The following NUDT22 variants were observed in gnomAD, a reference collection of about 807,000 sequenced individuals.
The protein encoded by NUDT22 is nudix hydrolase 22, also known as uridine diphosphate glucose pyrophosphatase NUDT22.
In NUDT22, 23 loss-of-function variants were observed where a neutral mutation model predicts 28.8. That is an observed-to-expected ratio of 0.80 (90% confidence interval 0.58 to 1.13). NUDT22 has a LOEUF of 1.13. Ranked by LOEUF, NUDT22 falls within the 50% of genes most tolerant of loss-of-function variation. The probability of loss-of-function intolerance (pLI) is 0.00; values close to 1 mark genes in which losing one functional copy is unlikely to be tolerated. For missense variants in NUDT22, 358 were observed against 387.3 expected, an observed-to-expected ratio of 0.92 and a Z score of 0.64; for synonymous variants, 175 against 173.7, an observed-to-expected ratio of 1.01 and a Z score of -0.06.
rs371004646 is a variant in NUDT22 at position 64,227,648 on chromosome 11, T to G, written c.561T>G (p.Leu187=). The change falls in exon 3 of 6, where the codon CTT becomes CTG. Residue 187 remains leucine, a synonymous_variant. Coordinates refer to ENST00000279206, the MANE Select transcript of NUDT22 (RefSeq NM_032344.4). ...TACATGAACTCTTTTCCAGTGTCCT[T>G]CAGGAGATCTGTGATGAGGTGAGTG... ...LVVHELFSSV[L]QEICDEVNLP... 1.2e-6 allele frequency: 2 copies of G among 1,613,874 alleles called. No homozygotes were observed. The highest frequency in any genetic ancestry group is 1.3e-5 in the African/African-American group (1 of 74,904).
chr11:64,227,231 A>C, intron 2 of NUDT22, 99 bp downstream of exon 2: 1 of 1,417,194 alleles, frequency 7.1e-7, no homozygotes. Flanking sequence ...CATTCCTTAA[A>C]GGGAAAATTG....
rs1947074582 is a variant in NUDT22 at position 64,227,590 on chromosome 11, C to A, written c.503C>A (p.Pro168His). Residue 168 changes from proline (P) to histidine (H), a missense_variant, in exon 3 of 6, where the codon CCC becomes CAC. Pro to His is a moderately conservative substitution (Grantham distance 77). Coordinates refer to ENST00000279206, the MANE Select transcript of NUDT22 (RefSeq NM_032344.4). ...EPQALCPGGS[P>H]QHQDLAGQLV... ...CAGGCCCTGTGCCCTGGTGGCAGCC[C>A]CCAGCACCAGGACCTCGCTGGGCAG... is the stretch of plus-strand genomic sequence containing the variant. 1.9e-6 allele frequency: 3 copies of A among 1,613,912 alleles called. No homozygotes were observed. Among genetic ancestry groups the A allele is most frequent in the Non-Finnish European group, 2.5e-6 (3 of 1,179,960 alleles).
intron 3 of NUDT22, 25 bp downstream of exon 3, chr11:64,227,691 G>A (rs1947078438): frequency 1.3e-6 from 2 of 1,588,238 alleles, no homozygotes; most frequent in Non-Finnish European, 8.6e-7. Context: ...CCTGGACAGG[G>A]TGGTAGACAT....
chr11:64,227,467 G>A, intron 2 of NUDT22, 101 bp from the exon 3 acceptor site: 1 of 880,572 alleles, frequency 1.1e-6, no homozygotes. Context: ...CTTACACTGT[G>A]CCACATCAGA....
chr11:64,227,679 G>T lies in NUDT22; in HGVS notation c.579+13G>T. On this transcript the variant is annotated intron_variant, in intron 3 of 5. Coordinates refer to ENST00000279206, the MANE Select transcript of NUDT22 (RefSeq NM_032344.4). ...GATCTGTGATGAGGTGAGTGAGGTT[G>T]ACCTGGACAGGGTGGTAGACATGAA... The T allele has an allele frequency of 1.2e-6, 2 of 1,603,050 alleles. No homozygotes were observed. Among genetic ancestry groups the T allele is most frequent in the South Asian group, 2.2e-5 (2 of 90,792 alleles).
intron 5 of NUDT22, 75 bp downstream of exon 5, chr11:64,229,646 G>A (rs1947138828): frequency 4.2e-6 from 6 of 1,439,828 alleles, no homozygotes; most frequent in East Asian, 2.3e-5. Context: ...ATATCTTGTA[G>A]GGGAGGTGTT....
chr11:64,228,718 CCCAGCACTTTGGGAGG>C (rs1350022722), intron 3 of NUDT22: 1 of 150,358 alleles, frequency 6.7e-6, no homozygotes, highest in Admixed American at 6.7e-5. Context: ...CACCTGTAAT[CCCAGCACTTTGGGAGG>C]CCAAGGCCAG....
chr11:64,229,150 G>A, intron 3 of NUDT22, 97 bp from the exon 4 acceptor site: 2 of 744,826 alleles, frequency 2.7e-6, no homozygotes, highest in South Asian at 1.8e-5. Context: ...ATAAAATGCT[G>A]TACACAGGTA....
In NUDT22 at chr11:64,229,433, G is replaced by A. The variant is rs746828275; in HGVS notation, c.678-45G>A. The A allele has an allele frequency of 1.1e-5, 17 of 1,607,142 alleles. No homozygotes were observed. In the Admixed American group the frequency reaches 1.8e-4, roughly 17 times the overall value. The stretch of plus-strand genomic sequence containing the variant: ...GCAGCTGTGGCTCCACAGGTACCCC[G>A]CAGGGGCTGGTCACCCACTAAGCCA... On this transcript the variant is annotated intron_variant, in intron 4 of 5. Transcript: ENST00000279206.
intron 2 of NUDT22, 191 bp downstream of exon 2, chr11:64,227,323 G>C: frequency 1.3e-6 from 1 of 766,466 alleles, no homozygotes; most frequent in African/African-American, 1.7e-5. Context: ...TGAGAAACTA[G>C]AAAACACGGG....
At chr11:64,227,747 G>A (rs1019179159) in intron 3 of NUDT22, 81 bp downstream of exon 3, 2 of 1,164,850 alleles carry the variant, frequency 1.7e-6, no homozygotes, top group Non-Finnish European at 2.6e-6. Flanking sequence ...GTCTGGGCTG[G>A]CAGGAGGCCT....
Position 64,227,068 on chromosome 11 carries a change from G to T in NUDT22, c.416G>T (p.Arg139Leu), listed in dbSNP as rs762591028. Residue 139 changes from arginine to leucine, a missense_variant, in exon 2 of 6, where the codon CGC becomes CTC. Transcript: ENST00000279206. Reference protein sequence around the residue: ...TADDFLVFLRRSRQVAEAPGL... With the variant: ...TADDFLVFLRLSRQVAEAPGL... ...GATGACTTCCTTGTCTTCCTGCGCCGCTCCCGGCAGGTGGCTGAGGCCCCT... is the reference window on the plus strand; with the variant it reads ...GATGACTTCCTTGTCTTCCTGCGCCTCTCCCGGCAGGTGGCTGAGGCCCCT... 3 of 1,600,870 alleles carry T rather than the reference G, an allele frequency of 1.9e-6. No homozygotes were observed. Among genetic ancestry groups the T allele is most frequent in the African/African-American group, 2.7e-5 (2 of 74,820 alleles).
rs191168695 is a variant in NUDT22, at chr11:64,228,299, T to C, written c.579+633T>C. 9.2e-5 allele frequency among the ~76,000 whole-genome samples: 14 copies of C among 151,700 alleles called. No homozygotes were observed. In the East Asian group the frequency reaches 2.7e-3, roughly 30 times the overall value. ...CTGGGTTCAAGTGATTCTCATGCCT[T>C]GCCCCGCCAAGGATTCTTCTTTTCA... On this transcript the variant is annotated intron_variant, in intron 3 of 5. Coordinates refer to ENST00000279206, the MANE Select transcript of NUDT22 (RefSeq NM_032344.4).
chr11:64,229,835 G>A lies in NUDT22; in HGVS notation c.772-15G>A, dbSNP rs775144368. On this transcript the variant is annotated splice_polypyrimidine_tract_variant and intron_variant, in intron 5 of 5. Coordinates refer to ENST00000279206, the MANE Select transcript of NUDT22 (RefSeq NM_032344.4). ...TGGCAAGCTTGAATGCCTGGGTCTC[G>A]TTGTCTCCCCACAGAACGTGCAGAG... 1 of 1,612,674 alleles carries A rather than the reference G, an allele frequency of 6.2e-7. No individual in the cohort carries two copies. Among genetic ancestry groups the A allele is most frequent in the African/African-American group, 1.3e-5 (1 of 74,910 alleles).
At position 64,227,657 on chromosome 11, in the gene NUDT22, C is replaced by T; in HGVS notation, c.570C>T (p.Ile190=). ...TCTTTTCCAGTGTCCTTCAGGAGAT[C>T]TGTGATGAGGTGAGTGAGGTTGACC... ...HELFSSVLQE[I]CDEVNLPLLT... is the part of the protein sequence containing the mutation. Residue 190 remains isoleucine, a synonymous_variant, in exon 3 of 6, where the codon ATC becomes ATT. Coordinates refer to ENST00000279206, the MANE Select transcript of NUDT22 (RefSeq NM_032344.4). 1 of 1,613,608 alleles carries T rather than the reference C, an allele frequency of 6.2e-7. No homozygotes were observed.
At chr11:64,229,192 T>A in intron 3 of NUDT22, 55 bp from the exon 4 acceptor site, 1 of 1,242,366 alleles carries the variant, frequency 8.0e-7, no homozygotes, top group Admixed American at 2.1e-5. Context: ...CGGGCAGGGA[T>A]GTGGGCAGTG....
chr11:64,226,695 G>A lies in NUDT22; in HGVS notation c.43G>A (p.Gly15Ser), dbSNP rs201863720. The A allele has an allele frequency of 1.9e-6, 3 of 1,609,156 alleles. No homozygotes were observed. The highest frequency in any genetic ancestry group is 2.2e-5 in the East Asian group (1 of 44,862). The part of the protein sequence containing the change: ...VTLLLQCPGG[G>S]LPQEQIQAEL... ...CTTGCTGCTGCAGTGCCCTGGCGGG[G>A]GCCTGCCCCAGGAGCAGATACAGGC... Residue 15 changes from glycine (G) to serine (S), a missense_variant, in exon 2 of 6, where the codon GGC becomes AGC. Coordinates refer to ENST00000279206, the MANE Select transcript of NUDT22 (RefSeq NM_032344.4).
At position 64,226,884 on chromosome 11, in the gene NUDT22, C is replaced by T; in HGVS notation, c.232C>T (p.Leu78=). 6.2e-7 allele frequency: 1 copy of T among 1,604,594 alleles called. No homozygotes were observed. Residue 78 remains leucine (L), a synonymous_variant, in exon 2 of 6, where the codon CTG becomes TTG. Coordinates refer to ENST00000279206, the MANE Select transcript of NUDT22 (RefSeq NM_032344.4). ...LAPIGSRGPQ[L]LLRLGLTSYR... Reference sequence around the variant, plus strand: ...GCCTATTGGCTCTCGGGGGCCACAGCTGCTCCTGCGCCTGGGCCTTACTTC... The same window carrying T: ...GCCTATTGGCTCTCGGGGGCCACAGTTGCTCCTGCGCCTGGGCCTTACTTC...
Position 64,227,669 on chromosome 11 carries a change from G to C in NUDT22, c.579+3G>C. ...TCCTTCAGGAGATCTGTGATGAGGT[G>C]AGTGAGGTTGACCTGGACAGGGTGG... On this transcript the variant is annotated splice_donor_region_variant and intron_variant, in intron 3 of 5. Coordinates refer to ENST00000279206, the MANE Select transcript of NUDT22 (RefSeq NM_032344.4). The C allele has an allele frequency of 6.2e-7, 1 of 1,611,134 alleles. No homozygotes were observed.
Sources: gnomAD v4.1 joint callset for allele counts (sites outside exome capture counted in the v4.1 genomes callset) on GRCh38, gnomAD v4.1.1 for gene constraint, MANE v1.5 for transcripts, NCBI Gene and HGNC (gene_info 2026-07-23, HGNC 2026-07-21) for gene names.